Variants in TSPEAR observed in about 807,000 individuals in gnomAD.
TSPEAR encodes the protein thrombospondin-type laminin G domain and EAR repeat-containing protein.
Under a neutral mutation model 71.6 loss-of-function variants are expected in TSPEAR, and 69 were observed. The ratio of observed to expected loss-of-function variants is 0.96; its 90% CI spans 0.79 to 1.18. The LOEUF (loss-of-function observed/expected upper bound fraction) is 1.18. Among genes scored for constraint, TSPEAR ranks in the 50% most tolerant of loss-of-function variants. The pLI is 0.00. For synonymous variants in TSPEAR, 402 were observed against 387.2 expected, an observed-to-expected ratio of 1.04 and a Z score of -0.45; for missense variants, 971 against 894.9, an observed-to-expected ratio of 1.09 and a Z score of -1.09.
intron 9 of TSPEAR, chr21:44,517,624 G>A (rs779268396): frequency 1.1e-4 from 44 of 387,120 alleles, no homozygotes; most frequent in Non-Finnish European, 1.8e-4. Context: ...CCCACCGTGT[G>A]TGCTCCTTGT....
At chr21:44,533,349 C>G (rs1383135283) in intron 3 of TSPEAR, among the ~76,000 whole-genome samples, 2 of 152,208 alleles carry the variant, frequency 1.3e-5, no homozygotes, top group Non-Finnish European at 2.9e-5. Flanking sequence ...ACCTGACCTC[C>G]CATGGTCAGC....
chr21:44,617,341 C>T (rs961180873), intron 1 of TSPEAR, among the ~76,000 whole-genome samples: 3 of 152,246 alleles, frequency 2.0e-5, no homozygotes, highest in Admixed American at 6.5e-5. Flanking sequence ...CCCTCTGCTC[C>T]AGCCCCAGGC....
At chr21:44,664,147 C>G (rs185412967) in intron 1 of TSPEAR, among the ~76,000 whole-genome samples, 2 of 152,268 alleles carry the variant, frequency 1.3e-5, no homozygotes, top group African/African-American at 4.8e-5. Flanking sequence ...AGAAATAACA[C>G]AGTCTCTATT....
chr21:44,687,397 T>A lies in TSPEAR; in HGVS notation c.82+24036A>T, dbSNP rs1986907827. Among the ~76,000 whole-genome samples, 1 of 152,142 alleles carries A rather than the reference T, an allele frequency of 6.6e-6. No homozygotes were observed. Among genetic ancestry groups the A allele is most frequent in the Non-Finnish European group, 1.5e-5 (1 of 68,022 alleles). ...CGGAACGGCCCATGTGCCCATTAGCTGGTGGATGGATAAACACAGCGTGAC... is the reference window on the plus strand; with the variant it reads ...CGGAACGGCCCATGTGCCCATTAGCAGGTGGATGGATAAACACAGCGTGAC... On this transcript the variant is annotated intron_variant, in intron 1 of 11. Coordinates refer to ENST00000323084, the MANE Select transcript of TSPEAR (RefSeq NM_144991.3). The surrounding 1 kb of genome is among the most constrained non-coding windows in gnomAD (Gnocchi z 4.4).
chr21:44,655,862 T>C (rs185466442), intron 1 of TSPEAR, among the ~76,000 whole-genome samples: 1 of 152,250 alleles, frequency 6.6e-6, no homozygotes, highest in Non-Finnish European at 1.5e-5. Flanking sequence ...TGCTCCTGTG[T>C]GGGTCCTTCT....
At chr21:44,523,141 ATTTG>A (rs1555914490) in intron 8 of TSPEAR, among the ~76,000 whole-genome samples, 1 of 134,634 alleles carries the variant, frequency 7.4e-6, no homozygotes, top group African/African-American at 3.6e-5. Context: ...CAGTCAGTTA[ATTTG>A]TCAGTCAGGT....
intron 1 of TSPEAR, among the ~76,000 whole-genome samples, chr21:44,620,979 G>A (rs1292798981): frequency 6.6e-6 from 1 of 152,082 alleles, no homozygotes; most frequent in African/African-American, 2.4e-5. Context: ...CTTTTCTTTT[G>A]TTACTGATTT....
chr21:44,647,542 C>A, intron 1 of TSPEAR: 1 of 718,172 alleles, frequency 1.4e-6, no homozygotes, highest in Non-Finnish European at 2.3e-6. Flanking sequence ...CCACAAATCC[C>A]TCAGCAGGTG....
At chr21:44,573,745 C>G (rs200314238) in intron 1 of TSPEAR, 5 of 1,607,158 alleles carry the variant, frequency 3.1e-6, no homozygotes, top group Admixed American at 1.7e-5. Context: ...ACCCCCAGCA[C>G]AGCAGCATCC....
intron 1 of TSPEAR, among the ~76,000 whole-genome samples, chr21:44,625,325 G>T (rs976831080): frequency 6.6e-6 from 1 of 152,212 alleles, no homozygotes; most frequent in African/African-American, 2.4e-5. Context: ...ACGCACGGTG[G>T]CTTACGCCTG....
At chr21:44,534,624 A>G (rs747548179) in intron 2 of TSPEAR, among the ~76,000 whole-genome samples, 8 of 152,110 alleles carry the variant, frequency 5.3e-5, no homozygotes, top group Non-Finnish European at 5.9e-5. Context: ...CTAATGCCCA[A>G]AGAACAGAAT....
intron 1 of TSPEAR, chr21:44,690,544 C>T (rs782596026): frequency 1.4e-5 from 14 of 985,406 alleles, no homozygotes; most frequent in Non-Finnish European, 1.6e-5. Context: ...TACAGACTCA[C>T]AGAACAACAC....
At chr21:44,587,520 CA>C (rs1555925838) in intron 1 of TSPEAR, among the ~76,000 whole-genome samples, 1 of 151,780 alleles carries the variant, frequency 6.6e-6, no homozygotes, top group Non-Finnish European at 1.5e-5. Context: ...CACAGAGTTA[CA>C]AAAAAAATTC....
At chr21:44,539,986 G>A (rs1555917010) in intron 2 of TSPEAR, 1 of 1,613,340 alleles carries the variant, frequency 6.2e-7, no homozygotes. Flanking sequence ...GGCAGCAGGG[G>A]CTGGACACAC....
intron 1 of TSPEAR, among the ~76,000 whole-genome samples, chr21:44,611,915 C>T (rs587672959): frequency 6.6e-6 from 1 of 152,306 alleles, no homozygotes; most frequent in South Asian, 2.1e-4. Flanking sequence ...ACCACAGTAA[C>T]ATCCCACAGC....
Position 44,612,312 on chromosome 21 carries a change from G to C in TSPEAR, c.83-44307C>G, listed in dbSNP as rs1555931251. On this transcript the variant is annotated intron_variant, in intron 1 of 11. Transcript: ENST00000323084. This position sits in a 1 kb window ranked among gnomAD's most constrained non-coding sequence, Gnocchi z 4.1. The stretch of plus-strand genomic sequence containing the variant: ...CCTAGCTGCTGTGCCCCAGCCCCCT[G>C]CCTGGCCCTGGTCTGTGCCCCAGTG... 1.2e-6 allele frequency: 2 copies of C among 1,613,614 alleles called. No homozygotes were observed. Among genetic ancestry groups the C allele is most frequent in the Admixed American group, 3.3e-5 (2 of 60,020 alleles).
intron 2 of TSPEAR, chr21:44,558,521 G>T: frequency 6.2e-7 from 1 of 1,613,640 alleles, no homozygotes; most frequent in Non-Finnish European, 8.5e-7. Context: ...ACTGGCAGGG[G>T]CTGGGCTCAC....
intron 1 of TSPEAR, among the ~76,000 whole-genome samples, chr21:44,608,447 T>C (rs1460736361): frequency 6.6e-6 from 1 of 152,226 alleles, no homozygotes; most frequent in African/African-American, 2.4e-5. Context: ...ATTGGGACTT[T>C]TGTTTTTGTT....
chr21:44,502,363 T>C (rs141317963), intron 11 of TSPEAR, among the ~76,000 whole-genome samples: 145 of 152,372 alleles, frequency 9.5e-4, no homozygotes, highest in African/African-American at 3.4e-3. Context: ...ATGTTCTTTA[T>C]TCTCAGAGGT....
Sources: gnomAD v4.1 joint callset for allele counts (sites outside exome capture counted in the v4.1 genomes callset) on GRCh38, gnomAD v4.1.1 for gene constraint, Gnocchi (gnomAD v3.1) non-coding constraint, MANE v1.5 for transcripts, NCBI Gene and HGNC (gene_info 2026-07-23, HGNC 2026-07-21) for gene names.